Variants in HIVEP1 observed in about 807,000 individuals in gnomAD.
HIVEP1 encodes zinc finger protein 40.
HIVEP1 carries 36 observed loss-of-function variants against 180.0 expected under a neutral mutation model. That is an observed-to-expected ratio of 0.20 (90% confidence interval 0.15 to 0.26). The LOEUF (loss-of-function observed/expected upper bound fraction) is 0.26, where lower values mean the gene tolerates loss of function less well. Ranked by LOEUF, HIVEP1 falls within the 10% of genes least tolerant of loss-of-function variation. The pLI is 1.00. For missense variants in HIVEP1, 3,143 were observed against 3,268.7 expected, an observed-to-expected ratio of 0.96 and a Z score of 0.94; for synonymous variants, 1,239 against 1,239.0, an observed-to-expected ratio of 1.00 and a Z score of 0.00.
In HIVEP1 at chr6:12,120,659, A is replaced by G; in HGVS notation, c.864A>G (p.Glu288=). 6.2e-7 allele frequency: 1 copy of G among 1,614,222 alleles called. No individual in the cohort carries two copies. The highest frequency in any genetic ancestry group is 8.5e-7 in the Non-Finnish European group (1 of 1,180,040). Residue 288 remains glutamate (E), a synonymous_variant, in exon 4 of 9, where the codon GAA becomes GAG. Coordinates refer to ENST00000379388, the MANE Select transcript of HIVEP1 (RefSeq NM_002114.4). ...QSASHLYHQH[E]HFVPKSNQHN... is the part of the protein sequence containing the mutation. ...CTTCTCATTTGTATCATCAACATGAACACTTTGTTCCCAAATCCAACCAAC... is the reference window on the plus strand; with the variant it reads ...CTTCTCATTTGTATCATCAACATGAGCACTTTGTTCCCAAATCCAACCAAC...
intron 7 of HIVEP1, among the ~76,000 whole-genome samples, chr6:12,160,980 A>G (rs995257563): frequency 6.6e-6 from 1 of 152,248 alleles, no homozygotes; most frequent in Non-Finnish European, 1.5e-5. Flanking sequence ...TTGCTCACAG[A>G]TACCAACAGC....
At chr6:12,109,556 A>G (rs957753970) in intron 3 of HIVEP1, among the ~76,000 whole-genome samples, 3 of 152,246 alleles carry the variant, frequency 2.0e-5, no homozygotes, top group Non-Finnish European at 4.4e-5. Flanking sequence ...TTGCTCGTCC[A>G]TAGAAGCATC....
At chr6:12,172,174 AT>A in the HIVEP1 span, among the ~76,000 whole-genome samples, 2 of 152,356 alleles carry the variant, frequency 1.3e-5, no homozygotes, top group Admixed American at 1.3e-4. Flanking sequence ...TCCCCATGAC[AT>A]TTAACAAAAG....
chr6:12,077,608 G>A (rs1209167123), intron 2 of HIVEP1, among the ~76,000 whole-genome samples: 1 of 152,222 alleles, frequency 6.6e-6, no homozygotes, highest in Non-Finnish European at 1.5e-5. Context: ...CCAACACAGT[G>A]ATGATAAGTC....
At chr6:12,008,406 G>A (rs567811440), upstream of HIVEP1, 1 of 152,218 alleles carries the variant, frequency 6.6e-6, no homozygotes, top group Non-Finnish European at 1.5e-5. Context: ...GAGGGAAAAT[G>A]AATCTAATGT....
intron 2 of HIVEP1, among the ~76,000 whole-genome samples, chr6:12,031,139 G>T (rs1264696014): frequency 1.3e-5 from 2 of 152,222 alleles, no homozygotes; most frequent in Non-Finnish European, 2.9e-5. Flanking sequence ...TTGTGAGTCA[G>T]TCTGAACCTT....
chr6:12,055,287 A>G (rs1770791427), intron 2 of HIVEP1, among the ~76,000 whole-genome samples: 2 of 152,168 alleles, frequency 1.3e-5, no homozygotes. Context: ...ATCCTGGCCA[A>G]CACGGTGAAA....
At chr6:12,182,686 A>T in the HIVEP1 span, among the ~76,000 whole-genome samples, 23 of 152,172 alleles carry the variant, frequency 1.5e-4, no homozygotes, top group Non-Finnish European at 2.6e-4. Context: ...GTGACTTGCT[A>T]TCTCTGATCT....
intron 2 of HIVEP1, among the ~76,000 whole-genome samples, chr6:12,070,716 A>G (rs1010502423): frequency 9.2e-5 from 14 of 152,220 alleles, no homozygotes; most frequent in Non-Finnish European, 1.8e-4. Context: ...ACTTAAATTG[A>G]AAGTTAAAGC....
chr6:12,025,621 T>C (rs1009438335), intron 2 of HIVEP1, among the ~76,000 whole-genome samples: 2 of 152,240 alleles, frequency 1.3e-5, no homozygotes, highest in Non-Finnish European at 2.9e-5. Context: ...ATTAAAATTC[T>C]AAGCAAAATA....
At position 12,123,453 on chromosome 6, in the gene HIVEP1, T is replaced by A. The variant is rs1403951064; in HGVS notation, c.3658T>A (p.Leu1220Ile). 4 of 1,614,120 alleles carry A rather than the reference T, an allele frequency of 2.5e-6. No homozygotes were observed. Among genetic ancestry groups the A allele is most frequent in the Non-Finnish European group, 3.4e-6 (4 of 1,180,022 alleles). The part of the protein sequence containing the change: ...SRKSPSERHV[L>I]GQPSRLVRQH... ...AAAGAGTCCAAGTGAACGACATGTGTTAGGACAGCCCTCAAGACTTGTCCG... is the reference window on the plus strand; with the variant it reads ...AAAGAGTCCAAGTGAACGACATGTGATAGGACAGCCCTCAAGACTTGTCCG... The change falls in exon 4 of 9, where the codon TTA becomes ATA. Residue 1220 changes from leucine (L) to isoleucine (I), a missense_variant. Physicochemically the swap from Leu to Ile is conservative, Grantham distance 5. Around this residue, in one of 12 missense-constraint regions of HIVEP1, gnomAD observed 1,357 missense variants for 1,260.5 expected, o/e 1.08. Coordinates refer to ENST00000379388, the MANE Select transcript of HIVEP1 (RefSeq NM_002114.4).
intron 2 of HIVEP1, among the ~76,000 whole-genome samples, chr6:12,046,344 C>A (rs901310912): frequency 7.2e-5 from 11 of 152,192 alleles, no homozygotes; most frequent in African/African-American, 2.4e-4. Flanking sequence ...CTCATTACCA[C>A]ATTTAACCCT....
At chr6:12,074,409 T>C (rs1772200622) in intron 2 of HIVEP1, among the ~76,000 whole-genome samples, 1 of 152,248 alleles carries the variant, frequency 6.6e-6, no homozygotes, top group Non-Finnish European at 1.5e-5. Flanking sequence ...GTAAGAGCTA[T>C]ATTACTATAT....
At chr6:12,037,969 C>A (rs920733012) in intron 2 of HIVEP1, 6 of 384,322 alleles carry the variant, frequency 1.6e-5, no homozygotes, top group Non-Finnish European at 1.8e-5. Context: ...CCTGTGTTGG[C>A]CCCCCAAAGC....
At chr6:12,012,223 C>T (rs1167223421), upstream of HIVEP1, 1 of 143,402 alleles carries the variant, frequency 7.0e-6, no homozygotes, top group Non-Finnish European at 1.5e-5. Context: ...CGCCCGGCGG[C>T]TGCGGCCCCC....
chr6:12,015,235 C>A (rs76428178), intron 1 of HIVEP1, among the ~76,000 whole-genome samples: 4,114 of 152,256 alleles, frequency 0.027, 153 homozygotes, highest in African/African-American at 0.086. Flanking sequence ...CCTTTTGTAG[C>A]CTGATGCGAT....
chr6:12,100,588 C>G (rs1774061416), intron 3 of HIVEP1, among the ~76,000 whole-genome samples: 1 of 152,174 alleles, frequency 6.6e-6, no homozygotes, highest in African/African-American at 2.4e-5. Context: ...GAATCTTTCT[C>G]ATGAAAGTGG....
At chr6:12,084,959 AT>A (rs1773023244) in intron 2 of HIVEP1, among the ~76,000 whole-genome samples, 1 of 152,168 alleles carries the variant, frequency 6.6e-6, no homozygotes, top group South Asian at 2.1e-4. Context: ...AAATGTTGAC[AT>A]AATTTATAAT....
At chr6:12,115,337 T>C (rs957492959) in intron 3 of HIVEP1, among the ~76,000 whole-genome samples, 1 of 147,284 alleles carries the variant, frequency 6.8e-6, no homozygotes, top group African/African-American at 2.6e-5. Context: ...TAACTTATAC[T>C]TCCCCAACTA....
Sources: gnomAD v4.1 joint callset for allele counts (sites outside exome capture counted in the v4.1 genomes callset) on GRCh38, gnomAD v4.1.1 for gene constraint, gnomAD v4.1.1 regional missense constraint, MANE v1.5 for transcripts, NCBI Gene and HGNC (gene_info 2026-07-23, HGNC 2026-07-21) for gene names.